KCTD1: variants seen among roughly 807,000 people sequenced by gnomAD.
KCTD1 encodes BTB/POZ domain-containing protein KCTD1.
In KCTD1, 24 loss-of-function variants were observed where a neutral mutation model predicts 66.0. The ratio of observed to expected loss-of-function variants is 0.36; its 90% CI spans 0.26 to 0.51. The LOEUF is 0.51. Ranked by LOEUF, KCTD1 falls within the 20% of genes least tolerant of loss-of-function variation. The pLI, the probability that KCTD1 is intolerant of heterozygous loss-of-function variation, is 0.95. For missense variants in KCTD1, 943 were observed against 1,205.2 expected, an observed-to-expected ratio of 0.78 and a Z score of 3.22; for synonymous variants, 511 against 517.2, an observed-to-expected ratio of 0.99 and a Z score of 0.16.
intron 1 of KCTD1, among the ~76,000 whole-genome samples, chr18:26,635,610 T>G (rs2145053823): frequency 6.6e-6 from 1 of 152,300 alleles, no homozygotes; most frequent in South Asian, 2.1e-4. Context: ...CTCCTCTAAC[T>G]TAACTGTGAC....
upstream of KCTD1, among the ~76,000 whole-genome samples, chr18:26,629,603 A>G (rs944962239): frequency 4.6e-5 from 7 of 152,236 alleles, no homozygotes; most frequent in African/African-American, 1.7e-4. Context: ...GGACATTTAC[A>G]TTGCAACCTC....
rs138040542 is a variant in KCTD1 at position 26,468,791 on chromosome 18, G to A, written c.2133+7724C>T. On this transcript the variant is annotated intron_variant, in intron 3 of 4. Transcript: ENST00000580059. The surrounding 1 kb of genome is among the most constrained non-coding windows in gnomAD (Gnocchi z 4.8). ...GAACCCGGGAGGCGGAGGTTGCAGTGAGCCGAGATCGTGCCGCTGCACTCC... is the reference window on the plus strand; with the variant it reads ...GAACCCGGGAGGCGGAGGTTGCAGTAAGCCGAGATCGTGCCGCTGCACTCC... Among the ~76,000 whole-genome samples, 834 of 152,284 alleles carry A rather than the reference G, an allele frequency of 5.5e-3. No homozygotes were observed. Among genetic ancestry groups the A allele is most frequent in the Non-Finnish European group, 8.3e-3 (563 of 68,034 alleles).
chr18:26,654,957 A>G (rs530802202), intron 1 of KCTD1, among the ~76,000 whole-genome samples: 1 of 152,168 alleles, frequency 6.6e-6, no homozygotes, highest in Non-Finnish European at 1.5e-5. Flanking sequence ...ACAAATACAA[A>G]CACGAGGAAT....
At chr18:26,456,250 A>G (rs1263335411) in intron 4 of KCTD1, 1 of 192,998 alleles carries the variant, frequency 5.2e-6, no homozygotes, top group African/African-American at 2.3e-5. Flanking sequence ...CTGTTTTTGT[A>G]TATGCAATGC....
chr18:26,535,780 C>T (rs1020710602), intron 1 of KCTD1, among the ~76,000 whole-genome samples: 1 of 151,836 alleles, frequency 6.6e-6, no homozygotes, highest in African/African-American at 2.4e-5. Context: ...GAGCTGGAAC[C>T]AGAACTTTAA....
chr18:26,577,543 ATT>A (rs68042886), intron 1 of KCTD1, among the ~76,000 whole-genome samples: 22 of 147,444 alleles, frequency 1.5e-4, no homozygotes, highest in South Asian at 2.2e-4. Context: ...GCATTTCTTA[ATT>A]TTTTTTTTTT....
At chr18:26,511,503 G>A (rs560048817) in intron 1 of KCTD1, among the ~76,000 whole-genome samples, 1 of 152,178 alleles carries the variant, frequency 6.6e-6, no homozygotes, top group Non-Finnish European at 1.5e-5. Flanking sequence ...ACGCTGTTGT[G>A]GGGGGAAGAT....
At chr18:26,461,743 A>AACTT in intron 3 of KCTD1, among the ~76,000 whole-genome samples, 2 of 152,370 alleles carry the variant, frequency 1.3e-5, no homozygotes, top group Middle Eastern at 6.8e-3. Flanking sequence ...GAGAAGCGAG[A>AACTT]ACTTATGCTA....
chr18:26,548,109 C>T lies in KCTD1; in HGVS notation c.428G>A (p.Arg143Gln), dbSNP rs1567989562. The change falls in exon 1 of 5, where the codon CGG becomes CAG. Residue 143 changes from arginine to glutamine, a missense_variant. Around this residue, in one of 10 missense-constraint regions of KCTD1, gnomAD observed 96 missense variants for 132.5 expected, o/e 0.72. Transcript: ENST00000580059. The stretch of plus-strand genomic sequence containing the variant: ...GTCCCCGGGCGGCCCACCGCGGGCC[C>T]GGGGCGCCAGCAGTCGCGGCGGCGC... ...PEAPPRLLAP[R>Q]ARGGPPGDGS... is the part of the protein sequence containing the mutation. 1 of 1,309,996 alleles carries T rather than the reference C, an allele frequency of 7.6e-7. No individual in the cohort carries two copies. The highest frequency in any genetic ancestry group is 9.6e-7 in the Non-Finnish European group (1 of 1,038,952). The allele number at this position is 1,309,996 out of a possible 1,614,324, so 81.1% of individuals were successfully genotyped here.
chr18:26,544,124 G>A (rs1469973948), intron 1 of KCTD1: 15 of 152,112 alleles, frequency 9.9e-5, no homozygotes, highest in Non-Finnish European at 1.0e-4. Context: ...AGCTATTTGG[G>A]GGACAAGGGA....
At chr18:26,517,697 G>C (rs1200010427) in intron 1 of KCTD1, among the ~76,000 whole-genome samples, 1 of 146,372 alleles carries the variant, frequency 6.8e-6, no homozygotes, top group African/African-American at 2.6e-5. Context: ...TAGTTTCCCT[G>C]CACAAGCTAT....
At chr18:26,603,773 A>AATAC in intron 1 of KCTD1, among the ~76,000 whole-genome samples, 1 of 150,778 alleles carries the variant, frequency 6.6e-6, no homozygotes, top group Non-Finnish European at 1.5e-5. Context: ...TAAATAAATA[A>AATAC]ATAAATAAAT....
intron 2 of KCTD1, among the ~76,000 whole-genome samples, chr18:26,482,199 ACTCATTGAATAGCATTATGTGC>A (rs1981685099): frequency 6.6e-6 from 1 of 152,170 alleles, no homozygotes; most frequent in African/African-American, 2.4e-5. Context: ...GCCAGTTACT[ACTCATTGAATAGCATTATGTGC>A]CAAAGAGTGA....
At chr18:26,582,412 A>T (rs1259469576) in intron 1 of KCTD1, among the ~76,000 whole-genome samples, 1 of 152,214 alleles carries the variant, frequency 6.6e-6, no homozygotes, top group Admixed American at 6.5e-5. Context: ...TTGTTTTTCC[A>T]CCTCTCAGCT....
chr18:26,483,528 C>T (rs1323292277), intron 2 of KCTD1, among the ~76,000 whole-genome samples: 1 of 152,216 alleles, frequency 6.6e-6, no homozygotes, highest in African/African-American at 2.4e-5. Flanking sequence ...CAAGGCCTCC[C>T]AAAGTACTGG....
chr18:26,510,032 C>T (rs186233055), intron 1 of KCTD1, among the ~76,000 whole-genome samples: 68 of 152,208 alleles, frequency 4.5e-4, no homozygotes, highest in African/African-American at 1.5e-3. Context: ...TTCTTTCCTC[C>T]GAGCACAAAA....
chr18:26,506,962 TTGAGACCAGCC>T (rs1279670645), intron 1 of KCTD1, among the ~76,000 whole-genome samples: 1 of 152,206 alleles, frequency 6.6e-6, no homozygotes, highest in African/African-American at 2.4e-5. Flanking sequence ...GGTCAGGAGT[TTGAGACCAGCC>T]TGGCCAACAT....
chr18:26,625,949 C>T (rs564687761), intron 1 of KCTD1, among the ~76,000 whole-genome samples: 2 of 152,222 alleles, frequency 1.3e-5, no homozygotes, highest in South Asian at 4.2e-4. Context: ...TCAGGTCAAT[C>T]AGAGTGTATT....
intron 1 of KCTD1, among the ~76,000 whole-genome samples, chr18:26,525,509 T>G (rs1442092418): frequency 1.3e-5 from 2 of 152,164 alleles, no homozygotes; most frequent in Admixed American, 6.5e-5. Flanking sequence ...ACTTGGTGTT[T>G]CCCAAAGATT....
Sources: allele counts gnomAD v4.1 joint callset (sites outside exome capture counted in the v4.1 genomes callset), GRCh38; gene constraint gnomAD v4.1.1; regional missense constraint gnomAD v4.1.1; non-coding constraint Gnocchi (gnomAD v3.1); transcripts MANE v1.5; gene names NCBI Gene and HGNC (gene_info 2026-07-23, HGNC 2026-07-21).